Variants in PDE10A observed in about 807,000 individuals in gnomAD.
The protein encoded by PDE10A is cAMP and cAMP-inhibited cGMP 3',5'-cyclic phosphodiesterase 10A.
PDE10A carries 39 observed loss-of-function variants against 97.7 expected under a neutral mutation model. That is an observed-to-expected ratio of 0.40 (90% CI 0.31 to 0.52). PDE10A has a LOEUF of 0.52. Ranked by LOEUF, PDE10A falls within the 20% of genes least tolerant of loss-of-function variation. PDE10A has a pLI of 0.56. For missense variants in PDE10A, 731 were observed against 1,047.8 expected (o/e 0.70, Z 4.17); for synonymous variants, 371 against 376.8 (o/e 0.98, Z 0.18).
At chr6:165,417,764 C>T (rs220746) in intron 11 of PDE10A, among the ~76,000 whole-genome samples, 36,162 of 151,950 alleles carry the variant, frequency 0.24, 4,891 homozygotes, top group African/African-American at 0.36. Flanking sequence ...TGGGGCCCCA[C>T]GGTGAGGCAC....
rs1362021030 is a variant in PDE10A, at chr6:165,339,295, C to T, written c.2959G>A (p.Glu987Lys). ...ATTCATACCTGGCCTTGGGGGACTT[C>T]ATCCTTCTTGTCTCTGTCCATCATA... ...IPMMDRDKKD[E>K]VPQGQLGFYN... The change falls in exon 20 of 22, where the codon GAA (glutamate) becomes AAA (lysine). Residue 987 changes from glutamate to lysine, a missense_variant. This residue lies in a region of PDE10A where 96 missense variants were observed against 156.7 expected (regional missense o/e 0.61). Transcript: ENST00000539869. 3.7e-6 allele frequency: 6 copies of T among 1,602,442 alleles called. No homozygotes were observed. The highest frequency in any genetic ancestry group is 5.1e-6 in the Non-Finnish European group (6 of 1,169,898).
At chr6:165,618,943 T>C (rs1246170537) in intron 1 of PDE10A, among the ~76,000 whole-genome samples, 1 of 141,078 alleles carries the variant, frequency 7.1e-6, no homozygotes, top group Admixed American at 7.2e-5. Flanking sequence ...TCTAGTGTAG[T>C]CTAGTGTAGT....
intron 2 of PDE10A, among the ~76,000 whole-genome samples, chr6:165,537,620 C>T (rs760151721): frequency 6.6e-6 from 1 of 151,716 alleles, no homozygotes; most frequent in Non-Finnish European, 1.5e-5. Context: ...ATAATGTGAA[C>T]ACACAATTAA....
chr6:165,623,940 C>T (rs1010392705), intron 1 of PDE10A, among the ~76,000 whole-genome samples: 8 of 152,232 alleles, frequency 5.3e-5, no homozygotes, highest in African/African-American at 1.7e-4. Flanking sequence ...TGGTTGCCTG[C>T]CAGACATCTC....
chr6:165,547,996 C>A (rs1783819519), intron 1 of PDE10A, among the ~76,000 whole-genome samples: 1 of 152,212 alleles, frequency 6.6e-6, no homozygotes, highest in South Asian at 2.1e-4. Context: ...TATAAATATA[C>A]ATTTAAAACT....
rs528575958 is a variant in PDE10A, at chr6:165,455,101, T to TG, written c.1024-4740dup. ...CGGGGGCAGGCAGAATTACTAGATT[T>TG]GGGGGACTACTGGACGTCAGCTCCA... On this transcript the variant is annotated intron_variant, in intron 3 of 21. Transcript: ENST00000539869. Among the ~76,000 whole-genome samples, 35 of 152,196 alleles carry TG rather than the reference T, an allele frequency of 2.3e-4. No individual in the cohort carries two copies. The South Asian group carries it at 7.3e-3, about 32-fold the overall frequency.
At chr6:165,508,202 G>A (rs576420917) in intron 2 of PDE10A, among the ~76,000 whole-genome samples, 6 of 152,056 alleles carry the variant, frequency 3.9e-5, no homozygotes, top group East Asian at 3.9e-4. Context: ...AAAAGTTTCC[G>A]CAGATCCATT....
chr6:165,556,591 CTGAAAG>C (rs1212015362), intron 1 of PDE10A, among the ~76,000 whole-genome samples: 3 of 152,150 alleles, frequency 2.0e-5, no homozygotes, highest in African/African-American at 7.2e-5. Context: ...TCTCTGTCAC[CTGAAAG>C]TGAAAGTGAA....
intron 1 of PDE10A, among the ~76,000 whole-genome samples, chr6:165,812,998 T>C (rs559213727): frequency 6.6e-6 from 1 of 152,160 alleles, no homozygotes; most frequent in Non-Finnish European, 1.5e-5. Context: ...CTGCTTAGAA[T>C]TTGGAGGAAT....
At chr6:165,549,904 A>T (rs1267463611) in intron 1 of PDE10A, among the ~76,000 whole-genome samples, 5 of 152,210 alleles carry the variant, frequency 3.3e-5, no homozygotes, top group African/African-American at 1.2e-4. Context: ...GTACTAAAGG[A>T]TCTATTGTAA....
At chr6:165,794,390 C>A (rs1471715379) in intron 1 of PDE10A, among the ~76,000 whole-genome samples, 2 of 151,788 alleles carry the variant, frequency 1.3e-5, no homozygotes, top group East Asian at 3.9e-4. Context: ...CCCACACTCA[C>A]ACATGCTCAC....
At position 165,711,209 on chromosome 6, in the gene PDE10A, T is replaced by TA. The variant is rs1398717744; in HGVS notation, c.-614-167642dup. Among the ~76,000 whole-genome samples, 7 of 152,152 alleles carry TA rather than the reference T, an allele frequency of 4.6e-5. No homozygotes were observed. Among genetic ancestry groups the TA allele is most frequent in the African/African-American group, 1.7e-4 (7 of 41,446 alleles). The stretch of plus-strand genomic sequence containing the variant: ...CAGTAAGTTCTACTAAATACACCGT[T>TA]AGAGTTGGGAGCAGGGCTCTTCTGA... On this transcript the variant is annotated intron_variant, in intron 1 of 19. Transcript: ENST00000366882. This position sits in a 1 kb window ranked among gnomAD's most constrained non-coding sequence, Gnocchi z 4.5.
At chr6:165,749,620 T>C (rs1397355224) in intron 1 of PDE10A, among the ~76,000 whole-genome samples, 2 of 152,252 alleles carry the variant, frequency 1.3e-5, no homozygotes, top group Non-Finnish European at 2.9e-5. Flanking sequence ...CTCAGATATT[T>C]TTCTGTTGGA....
chr6:165,861,800 G>T (rs1780913322), intron 1 of PDE10A, among the ~76,000 whole-genome samples: 1 of 152,168 alleles, frequency 6.6e-6, no homozygotes, highest in Non-Finnish European at 1.5e-5. Flanking sequence ...TGCCACTCCA[G>T]AAACAGGAGC....
At chr6:165,636,178 TC>T (rs1245615299) in intron 1 of PDE10A, among the ~76,000 whole-genome samples, 1 of 152,140 alleles carries the variant, frequency 6.6e-6, no homozygotes, top group Non-Finnish European at 1.5e-5. Flanking sequence ...ATCCCCTACT[TC>T]CTATTCCTGG....
chr6:165,855,497 T>C (rs1162213060), intron 1 of PDE10A, among the ~76,000 whole-genome samples: 1 of 151,408 alleles, frequency 6.6e-6, no homozygotes, highest in Non-Finnish European at 1.5e-5. Flanking sequence ...CCGCCTCTTC[T>C]GCTTGACAGC....
chr6:165,575,777 T>G (rs1194092326), intron 1 of PDE10A, among the ~76,000 whole-genome samples: 1 of 152,246 alleles, frequency 6.6e-6, no homozygotes, highest in Admixed American at 6.5e-5. Context: ...TCCCCATAAC[T>G]GCACTAAAAT....
chr6:165,523,066 A>G (rs1464959270), intron 2 of PDE10A, among the ~76,000 whole-genome samples: 1 of 152,120 alleles, frequency 6.6e-6, no homozygotes, highest in Admixed American at 6.6e-5. Context: ...GCATCTAACT[A>G]AGGAAGTGAA....
chr6:165,951,689 G>T (rs956175242), intron 1 of PDE10A, among the ~76,000 whole-genome samples: 1 of 152,094 alleles, frequency 6.6e-6, no homozygotes, highest in Admixed American at 6.5e-5. Flanking sequence ...CCGTTCTCCA[G>T]CACTGTCCTC....
Sources: gnomAD v4.1 joint callset for allele counts (sites outside exome capture counted in the v4.1 genomes callset) on GRCh38, gnomAD v4.1.1 for gene constraint, gnomAD v4.1.1 regional missense constraint, Gnocchi (gnomAD v3.1) non-coding constraint, MANE v1.5 for transcripts, NCBI Gene and HGNC (gene_info 2026-07-23, HGNC 2026-07-21) for gene names.